The following LHFPL2 variants were observed in gnomAD, a reference collection of about 807,000 sequenced individuals.
LHFPL2 encodes the protein LHFPL tetraspan subfamily member 2.
A neutral mutation model predicts 17.5 loss-of-function variants in LHFPL2; 7 were observed. The observed-to-expected ratio is 0.40, with a 90% CI of 0.23 to 0.75. The LOEUF (loss-of-function observed/expected upper bound fraction) is 0.75, where lower values mean the gene tolerates loss of function less well. Among genes scored for constraint, LHFPL2 ranks in the 30% least tolerant of loss-of-function variants. The pLI is 0.37. For missense variants in LHFPL2, 241 were observed against 294.8 expected, an observed-to-expected ratio of 0.82 and a Z score of 1.34; for synonymous variants, 134 against 116.2, an observed-to-expected ratio of 1.15 and a Z score of -0.99.
intron 1 of LHFPL2, among the ~76,000 whole-genome samples, chr5:78,640,695 A>T (rs1745632835): frequency 6.6e-6 from 1 of 152,234 alleles, no homozygotes; most frequent in South Asian, 2.1e-4. Context: ...CCCCATTAAG[A>T]TAACCAGTTA....
intron 1 of LHFPL2, chr5:78,644,427 T>TGTGAA: frequency 2.9e-6 from 2 of 701,438 alleles, no homozygotes; most frequent in Non-Finnish European, 5.0e-6. Context: ...TTCATAAGGC[T>TGTGAA]GCTTATCATC....
At position 78,486,568 on chromosome 5, in the gene LHFPL2, T is replaced by G. The variant is rs1363474549; in HGVS notation, c.*2329A>C. 6 of 152,272 alleles carry G rather than the reference T, an allele frequency of 3.9e-5. No homozygotes were observed. The highest frequency in any genetic ancestry group is 1.4e-4 in the African/African-American group (6 of 41,462). The allele number at this position is 152,272 out of a possible 1,614,324, so 9.4% of individuals were successfully genotyped here. A position where few individuals can be genotyped will look rare whatever the true frequency, so the allele number is the denominator to read the frequency against. On this transcript the variant is annotated 3_prime_UTR_variant, in exon 5 of 5. Transcript: ENST00000380345. ...ATTCAAGGTTTAAAAGTCCCAACATTACCTTTTTACTATTTACTAAGTCAG... is the reference window on the plus strand; with the variant it reads ...ATTCAAGGTTTAAAAGTCCCAACATGACCTTTTTACTATTTACTAAGTCAG...
chr5:78,634,624 T>C (rs1024311030), intron 1 of LHFPL2, among the ~76,000 whole-genome samples: 2 of 152,166 alleles, frequency 1.3e-5, no homozygotes, highest in African/African-American at 2.4e-5. Flanking sequence ...GTAATAAGCA[T>C]GTGTTGAATA....
At chr5:78,552,026 G>A (rs1700480151) in intron 3 of LHFPL2, among the ~76,000 whole-genome samples, 2 of 152,122 alleles carry the variant, frequency 1.3e-5, no homozygotes. Context: ...ACAAAAATGG[G>A]CAATTTCCCC....
chr5:78,534,967 C>T (rs570710490), intron 3 of LHFPL2, among the ~76,000 whole-genome samples: 69 of 152,264 alleles, frequency 4.5e-4, no homozygotes, highest in Admixed American at 2.2e-3. Flanking sequence ...TGTAAGTTGA[C>T]GGCAAAAACT....
chr5:78,564,539 A>G (rs1756810624), intron 3 of LHFPL2, among the ~76,000 whole-genome samples: 1 of 152,206 alleles, frequency 6.6e-6, no homozygotes, highest in African/African-American at 2.4e-5. Context: ...GAGCTCTGAA[A>G]CTTGGGTATG....
At chr5:78,587,151 G>A (rs139335245) in intron 2 of LHFPL2, among the ~76,000 whole-genome samples, 103 of 152,226 alleles carry the variant, frequency 6.8e-4, no homozygotes, top group African/African-American at 2.3e-3. Context: ...GAAACCAAAC[G>A]AGGCAAGTCT....
chr5:78,589,364 G>A (rs566117825), intron 2 of LHFPL2, among the ~76,000 whole-genome samples: 2 of 151,832 alleles, frequency 1.3e-5, no homozygotes, highest in African/African-American at 4.8e-5. Flanking sequence ...CCAGCTACTC[G>A]GGAGGCTAAG....
chr5:78,610,112 C>T (rs1744366641), intron 2 of LHFPL2, among the ~76,000 whole-genome samples: 1 of 152,096 alleles, frequency 6.6e-6, no homozygotes, highest in South Asian at 2.1e-4. Context: ...TAGCTAGCTC[C>T]AGTCAGACCC....
At chr5:78,552,537 C>A (rs1756474988) in intron 3 of LHFPL2, among the ~76,000 whole-genome samples, 1 of 152,188 alleles carries the variant, frequency 6.6e-6, no homozygotes. Flanking sequence ...AAGGGGGAAA[C>A]CTGATGCCAA....
chr5:78,581,017 T>C (rs1403163797), intron 2 of LHFPL2, among the ~76,000 whole-genome samples: 1 of 152,208 alleles, frequency 6.6e-6, no homozygotes, highest in Non-Finnish European at 1.5e-5. Context: ...TCCTCTTTTA[T>C]TTCCTTGAGC....
rs1754797188 is a variant in LHFPL2, at chr5:78,502,224, TTC to T, written c.430+7558_430+7559del. On this transcript the variant is annotated intron_variant, in intron 4 of 4. Transcript: ENST00000380345. ...TACAACCAAGGTCCCCAAAGGAAGTTTCTGTTATAATTACTTGAAATTAATGG... is the reference window on the plus strand; with the variant it reads ...TACAACCAAGGTCCCCAAAGGAAGTTTGTTATAATTACTTGAAATTAATGG... Among the ~76,000 whole-genome samples, 10 of 152,318 alleles carry T rather than the reference TTC, an allele frequency of 6.6e-5. No individual in the cohort carries two copies. In the South Asian group the frequency reaches 2.1e-3, roughly 32 times the overall value.
chr5:78,497,183 C>T (rs1291750789), intron 4 of LHFPL2, among the ~76,000 whole-genome samples: 19 of 152,212 alleles, frequency 1.2e-4, no homozygotes, highest in Admixed American at 1.2e-3. Flanking sequence ...TCCCAATTTA[C>T]TCTATCGGCA....
At chr5:78,609,596 G>A (rs928260496) in intron 2 of LHFPL2, among the ~76,000 whole-genome samples, 3 of 151,660 alleles carry the variant, frequency 2.0e-5, no homozygotes, top group Non-Finnish European at 4.4e-5. Context: ...CCATTGTGAA[G>A]AAAAGAAAAC....
intron 2 of LHFPL2, among the ~76,000 whole-genome samples, chr5:78,581,177 T>G (rs561447909): frequency 7.2e-5 from 11 of 152,320 alleles, no homozygotes; most frequent in Non-Finnish European, 1.3e-4. Flanking sequence ...AGAATGCTTG[T>G]GATTTTTGTA....
intron 2 of LHFPL2, among the ~76,000 whole-genome samples, chr5:78,615,113 A>AC (rs576705522): frequency 3.3e-4 from 50 of 152,318 alleles, no homozygotes; most frequent in African/African-American, 1.2e-3. Context: ...TGATGTCTGT[A>AC]CAAGCATTTA....
At chr5:78,529,548 G>T (rs1221773296) in intron 3 of LHFPL2, among the ~76,000 whole-genome samples, 1 of 152,124 alleles carries the variant, frequency 6.6e-6, no homozygotes, top group Non-Finnish European at 1.5e-5. Flanking sequence ...AGCAAGGCTG[G>T]CATGTAGCAT....
intron 1 of LHFPL2, among the ~76,000 whole-genome samples, chr5:78,637,395 A>AG (rs201324597): frequency 1.0e-4 from 9 of 88,396 alleles, no homozygotes; most frequent in South Asian, 4.3e-4. Flanking sequence ...GCTTGGGGGG[A>AG]GGGGGGGAAG....
At chr5:78,610,344 G>A (rs1019171973) in intron 2 of LHFPL2, among the ~76,000 whole-genome samples, 1 of 152,190 alleles carries the variant, frequency 6.6e-6, no homozygotes, top group South Asian at 2.1e-4. Flanking sequence ...ACGTCTTCAC[G>A]AAAAGGTCTG....
Sources: allele counts gnomAD v4.1 joint callset (sites outside exome capture counted in the v4.1 genomes callset), GRCh38; gene constraint gnomAD v4.1.1; transcripts MANE v1.5; gene names NCBI Gene and HGNC (gene_info 2026-07-23, HGNC 2026-07-21).